Variants in EGLN1 observed in about 807,000 individuals in gnomAD.
EGLN1 encodes egl-9 family hypoxia inducible factor 1.
In EGLN1, 17 loss-of-function variants were observed where a neutral mutation model predicts 38.3. The ratio of observed to expected loss-of-function variants is 0.44; its 90% CI spans 0.30 to 0.67. The LOEUF is 0.67. Among genes scored for constraint, EGLN1 ranks in the 30% least tolerant of loss-of-function variants. The probability of loss-of-function intolerance (pLI) is 0.08; values close to 1 mark genes in which losing one functional copy is unlikely to be tolerated. For synonymous variants in EGLN1, 283 were observed against 257.5 expected (o/e 1.10, Z -0.95); for missense variants, 477 against 603.3 (o/e 0.79, Z 2.19).
At chr1:231,409,698 T>A (rs1418814896) in intron 1 of EGLN1, among the ~76,000 whole-genome samples, 1 of 152,156 alleles carries the variant, frequency 6.6e-6, no homozygotes, top group East Asian at 1.9e-4. Context: ...CTTTAACAAA[T>A]CCTAATAGCT....
At chr1:231,402,437 CTT>C (rs1392880050) in intron 1 of EGLN1, among the ~76,000 whole-genome samples, 16 of 140,392 alleles carry the variant, frequency 1.1e-4, no homozygotes, top group Non-Finnish European at 1.4e-4. Context: ...TTAGGTCTTA[CTT>C]TTTTTTTTTT....
At chr1:231,409,684 G>A (rs1688884915) in intron 1 of EGLN1, among the ~76,000 whole-genome samples, 1 of 152,110 alleles carries the variant, frequency 6.6e-6, no homozygotes, top group African/African-American at 2.4e-5. Context: ...ACAGACGAAG[G>A]AATCTTTAAC....
intron 1 of EGLN1, among the ~76,000 whole-genome samples, chr1:231,417,057 C>G (rs1689102370): frequency 6.6e-6 from 1 of 152,146 alleles, no homozygotes; most frequent in African/African-American, 2.4e-5. Flanking sequence ...AGTCTGAGAT[C>G]AGGATGCCAG....
At chr1:231,401,314 A>C (rs1688656960) in intron 1 of EGLN1, among the ~76,000 whole-genome samples, 1 of 152,162 alleles carries the variant, frequency 6.6e-6, no homozygotes. Flanking sequence ...CCTGCACCTC[A>C]TATGGTTGCT....
intron 1 of EGLN1, among the ~76,000 whole-genome samples, chr1:231,377,885 T>G (rs1240536995): frequency 3.2e-5 from 4 of 123,846 alleles, no homozygotes; most frequent in Admixed American, 8.2e-5. Flanking sequence ...GTGAGGATTC[T>G]TTGAAAAAAT....
chr1:231,372,023 C>A (rs560320692), intron 2 of EGLN1, among the ~76,000 whole-genome samples: 1 of 152,310 alleles, frequency 6.6e-6, no homozygotes, highest in South Asian at 2.1e-4. Context: ...AACCTCCAAA[C>A]TGAGAACATG....
intron 4 of EGLN1, among the ~76,000 whole-genome samples, chr1:231,366,779 C>T (rs1195991983): frequency 2.6e-5 from 4 of 152,200 alleles, no homozygotes; most frequent in African/African-American, 9.7e-5. Context: ...GCACACTGAG[C>T]TTGTGCCACA....
chr1:231,373,230 T>A (rs2790893), intron 2 of EGLN1, among the ~76,000 whole-genome samples: 4 of 151,894 alleles, frequency 2.6e-5, no homozygotes, highest in Admixed American at 1.3e-4. Context: ...AGGGAAAGAC[T>A]GAATCCTGCC....
intron 1 of EGLN1, among the ~76,000 whole-genome samples, chr1:231,418,890 G>A (rs1221273193): frequency 6.6e-6 from 1 of 151,418 alleles, no homozygotes; most frequent in African/African-American, 2.4e-5. Flanking sequence ...TACTCTGATT[G>A]TATCTGTATT....
At chr1:231,389,423 T>A (rs867856648) in intron 1 of EGLN1, among the ~76,000 whole-genome samples, 16 of 151,984 alleles carry the variant, frequency 1.1e-4, no homozygotes, top group South Asian at 2.1e-4. Context: ...AATTTTTTTT[T>A]AAAGAAAAGT....
At chr1:231,374,902 C>T (rs375154403) in intron 1 of EGLN1, among the ~76,000 whole-genome samples, 40 of 152,018 alleles carry the variant, frequency 2.6e-4, no homozygotes, top group African/African-American at 9.2e-4. Context: ...GGATGTTAAG[C>T]TTAAAGGTAG....
chr1:231,371,761 C>A (rs544286307), intron 2 of EGLN1, among the ~76,000 whole-genome samples: 30 of 152,282 alleles, frequency 2.0e-4, no homozygotes, highest in African/African-American at 6.3e-4. Context: ...ACCCAACCAA[C>A]CAAGTAGCTC....
chr1:231,395,964 C>T (rs529003719), intron 1 of EGLN1, among the ~76,000 whole-genome samples: 1 of 151,436 alleles, frequency 6.6e-6, no homozygotes, highest in South Asian at 2.1e-4. Flanking sequence ...CAACGCACCG[C>T]TTTCTGACTT....
At chr1:231,412,011 C>CAAAAAAAAAAAAAAAA (rs747472895) in intron 1 of EGLN1, among the ~76,000 whole-genome samples, 4 of 33,652 alleles carry the variant, frequency 1.2e-4, no homozygotes, top group African/African-American at 2.7e-4. Flanking sequence ...GACTCCATCT[C>CAAAAAAAAAAAAAAAA]AAAAAAAAAA....
At chr1:231,420,889 C>G in intron 1 of EGLN1, 109 bp downstream of exon 1, 1 of 1,603,352 alleles carries the variant, frequency 6.2e-7, no homozygotes, top group Non-Finnish European at 8.5e-7. Context: ...AAGAGCGAGT[C>G]CCTTCTATAT....
chr1:231,374,157 G>T, intron 1 of EGLN1, 58 bp from the exon 2 acceptor site: 2 of 1,517,740 alleles, frequency 1.3e-6, no homozygotes, highest in Non-Finnish European at 9.1e-7. Flanking sequence ...AGAGAGAACA[G>T]CTAATAAATC....
At chr1:231,407,636 G>A (rs951572558) in intron 1 of EGLN1, among the ~76,000 whole-genome samples, 11 of 152,020 alleles carry the variant, frequency 7.2e-5, no homozygotes, top group African/African-American at 2.4e-4. Context: ...TAGGGGTGAG[G>A]GACATAAGAT....
chr1:231,392,516 A>C (rs1247764482), intron 1 of EGLN1, among the ~76,000 whole-genome samples: 1 of 152,164 alleles, frequency 6.6e-6, no homozygotes, highest in East Asian at 1.9e-4. Context: ...TGAAAACTAC[A>C]ATGAGAAAAT....
rs916705229 is a variant in EGLN1, at chr1:231,370,457, G to C, written c.1148+105C>G. 2.5e-6 allele frequency: 3 copies of C among 1,214,554 alleles called. No individual in the cohort carries two copies. The African/African-American group carries it at 4.5e-5, about 18-fold the overall frequency. 75.2% of individuals were successfully genotyped at this position (1,214,554 alleles called of 1,614,324 possible). A position where few individuals can be genotyped will look rare whatever the true frequency, so the allele number is the denominator to read the frequency against. The stretch of plus-strand genomic sequence containing the variant: ...ATTCAAATTAAAATGACTGTGAAAA[G>C]TACCTGGCAGGAAAATACTCATTAG... On this transcript the variant is annotated intron_variant, in intron 3 of 4. Coordinates refer to ENST00000366641, the MANE Select transcript of EGLN1 (RefSeq NM_022051.3).
Sources: gnomAD v4.1 joint callset for allele counts (sites outside exome capture counted in the v4.1 genomes callset) on GRCh38, gnomAD v4.1.1 for gene constraint, MANE v1.5 for transcripts, NCBI Gene and HGNC (gene_info 2026-07-23, HGNC 2026-07-21) for gene names.